Variants in TRIM2 observed in about 807,000 individuals in gnomAD.
TRIM2 encodes tripartite motif containing 2.
A neutral mutation model predicts 75.2 loss-of-function variants in TRIM2; 20 were observed. That is an observed-to-expected ratio of 0.27 (90% CI 0.19 to 0.39). The LOEUF (loss-of-function observed/expected upper bound fraction) is 0.39. TRIM2 is among the 10% of genes least tolerant of loss of function. The probability of loss-of-function intolerance (pLI) is 1.00; values close to 1 mark genes in which losing one functional copy is unlikely to be tolerated. For missense variants in TRIM2, 660 were observed against 990.8 expected (o/e 0.67, Z 4.48); for synonymous variants, 373 against 388.3 (o/e 0.96, Z 0.46).
Position 153,316,873 on chromosome 4 carries a change from CTTTTTTTTTTTTT to C in TRIM2, c.1782+887_1782+899del, listed in dbSNP as rs11397245. On this transcript the variant is annotated intron_variant, in intron 8 of 11. Transcript: ENST00000338700. ...TTTGTAAGGGCCATTTGCATTATGC[CTTTTTTTTTTTTT>C]TTTTTTTTTTTTGAGACGGAGTCTT... is the stretch of plus-strand genomic sequence containing the variant. Among the ~76,000 whole-genome samples the C allele has an allele frequency of 3.1e-4, 19 of 61,576 alleles. 1 individual carries two copies. The highest frequency in any genetic ancestry group is 8.6e-4 in the South Asian group (1 of 1,168). 40.4% of individuals were successfully genotyped at this position (61,576 alleles called of 152,430 possible). A position where few individuals can be genotyped will look rare whatever the true frequency, so the allele number is the denominator to read the frequency against.
intron 1 of TRIM2, among the ~76,000 whole-genome samples, chr4:153,250,595 T>C (rs554650562): frequency 6.6e-6 from 1 of 152,278 alleles, no homozygotes; most frequent in African/African-American, 2.4e-5. Context: ...GGGCATGAAT[T>C]TATGTCCAAT....
intron 1 of TRIM2, among the ~76,000 whole-genome samples, chr4:153,189,228 T>C (rs1217949835): frequency 1.3e-5 from 2 of 152,102 alleles, no homozygotes; most frequent in Non-Finnish European, 2.9e-5. Flanking sequence ...GAGAGACCAA[T>C]GATTGAGAGA....
In TRIM2 at chr4:153,336,894, T is replaced by A. The variant is rs963779167; in HGVS notation, c.*1928T>A. 55 of 985,042 alleles carry A rather than the reference T, an allele frequency of 5.6e-5. No homozygotes were observed. The highest frequency in any genetic ancestry group is 6.5e-5 in the Non-Finnish European group (54 of 829,426). The allele number at this position is 985,042 out of a possible 1,614,324, so 61.0% of individuals were successfully genotyped here. A position where few individuals can be genotyped will look rare whatever the true frequency, so the allele number is the denominator to read the frequency against. Reference sequence around the variant, plus strand: ...GCCTGTCCGTGATAAAGCTATAAAATTCAATAACTTTTTAGAATGTTAAAT... The same window carrying A: ...GCCTGTCCGTGATAAAGCTATAAAAATCAATAACTTTTTAGAATGTTAAAT... On this transcript the variant is annotated 3_prime_UTR_variant, in exon 12 of 12. Coordinates refer to ENST00000338700, the MANE Select transcript of TRIM2 (RefSeq NM_015271.5).
At chr4:153,184,174 C>T (rs1202126248) in intron 1 of TRIM2, among the ~76,000 whole-genome samples, 1 of 152,114 alleles carries the variant, frequency 6.6e-6, no homozygotes, top group African/African-American at 2.4e-5. Context: ...AGCAAAATAC[C>T]ATGGACTGGG....
chr4:153,316,999 G>A (rs1767782944), intron 8 of TRIM2, among the ~76,000 whole-genome samples: 1 of 142,222 alleles, frequency 7.0e-6, no homozygotes, highest in Non-Finnish European at 1.5e-5. Context: ...TCCTGCCTCA[G>A]CCTCCTGAGT....
In TRIM2 at chr4:153,191,028, G is replaced by T. The variant is rs540363559; in HGVS notation, c.-49+37758G>T. Among the ~76,000 whole-genome samples, 27 of 152,204 alleles carry T rather than the reference G, an allele frequency of 1.8e-4. No individual in the cohort carries two copies. The South Asian group carries it at 5.6e-3, about 32-fold the overall frequency. On this transcript the variant is annotated intron_variant, in intron 1 of 11. Coordinates refer to the TRIM2 transcript ENST00000437508. ...TGGGATTACAGGCGTGAGCCACCGC[G>T]CCCAGCCTGGAATGCTATTCTTTTT...
At chr4:153,334,266 T>G (rs1016571645) in intron 11 of TRIM2, among the ~76,000 whole-genome samples, 1 of 151,972 alleles carries the variant, frequency 6.6e-6, no homozygotes, top group Admixed American at 6.6e-5. Flanking sequence ...TGGAAATAGA[T>G]GGGGAGAGGA....
chr4:153,179,508 T>C (rs1731828156), intron 1 of TRIM2, among the ~76,000 whole-genome samples: 1 of 152,126 alleles, frequency 6.6e-6, no homozygotes, highest in South Asian at 2.1e-4. Context: ...CTCCTGCAAG[T>C]AGGAGCCTCC....
chr4:153,188,449 G>T (rs1016112378), intron 1 of TRIM2, among the ~76,000 whole-genome samples: 2 of 152,110 alleles, frequency 1.3e-5, no homozygotes, highest in Admixed American at 6.6e-5. Flanking sequence ...AACAAAGTGA[G>T]ACTCTGTCTC....
intron 1 of TRIM2, among the ~76,000 whole-genome samples, chr4:153,256,921 G>T (rs2149958814): frequency 6.6e-6 from 1 of 152,198 alleles, no homozygotes; most frequent in South Asian, 2.1e-4. Context: ...TTGTTTGTTT[G>T]TTTGTTTTTT....
rs1051963582 is a variant in TRIM2 at position 153,260,208 on chromosome 4, C to T, written c.31-10127C>T. Among the ~76,000 whole-genome samples, 8 of 152,014 alleles carry T rather than the reference C, an allele frequency of 5.3e-5. No homozygotes were observed. The East Asian group carries it at 5.8e-4, about 11-fold the overall frequency. ...ACCTAGTCCCCTTGCTGACCTCTAC[C>T]TTTTTTTGTGGTCCCAGAATACTTA... On this transcript the variant is annotated intron_variant, in intron 1 of 11. Coordinates refer to ENST00000338700, the MANE Select transcript of TRIM2 (RefSeq NM_015271.5).
Position 153,313,627 on chromosome 4 carries a change from CTTT to C in TRIM2, c.1511-1837_1511-1835del, listed in dbSNP as rs398051309. Among the ~76,000 whole-genome samples, 580 of 98,512 alleles carry C rather than the reference CTTT, an allele frequency of 5.9e-3. 5 individuals carry two copies. The highest frequency in any genetic ancestry group is 0.019 in the African/African-American group (430 of 22,254). 64.6% of individuals were successfully genotyped at this position (98,512 alleles called of 152,430 possible). A position where few individuals can be genotyped will look rare whatever the true frequency, so the allele number is the denominator to read the frequency against. ...GTCGAAAAACAAAATAGCAATGGCT[CTTT>C]TTTTTTTTTTTTTTTTTTTTGAGAC... On this transcript the variant is annotated intron_variant, in intron 6 of 11. Coordinates refer to ENST00000338700, the MANE Select transcript of TRIM2 (RefSeq NM_015271.5).
intron 1 of TRIM2, among the ~76,000 whole-genome samples, chr4:153,269,979 A>G (rs1756240442): frequency 6.6e-6 from 1 of 151,842 alleles, no homozygotes; most frequent in African/African-American, 2.4e-5. Flanking sequence ...CCCAGGCTGG[A>G]GTGCAGTGGC....
intron 1 of TRIM2, among the ~76,000 whole-genome samples, chr4:153,224,212 A>G (rs1017882257): frequency 6.6e-6 from 1 of 152,202 alleles, no homozygotes; most frequent in African/African-American, 2.4e-5. Flanking sequence ...TTAACTAGAG[A>G]TAGAAAGTAC....
rs202046548 is a variant in TRIM2 at position 153,275,956 on chromosome 4, C to T, written c.279C>T (p.Thr93=). ...LTLSCPVCRQ[T]SILPEKGVAA... ...TCTCCTGCCCAGTGTGCCGCCAGAC[C>T]TCCATCCTGCCCGAGAAAGGGGTGG... Residue 93 remains threonine, a synonymous_variant, in exon 3 of 12, where the codon ACC becomes ACT. Coordinates refer to ENST00000338700, the MANE Select transcript of TRIM2 (RefSeq NM_015271.5). 3.7e-6 allele frequency: 6 copies of T among 1,614,222 alleles called. No individual in the cohort carries two copies. The highest frequency in any genetic ancestry group is 1.1e-5 in the South Asian group (1 of 91,080).
upstream of TRIM2, among the ~76,000 whole-genome samples, chr4:153,203,986 G>A (rs915230858): frequency 5.6e-4 from 86 of 152,314 alleles, no homozygotes; most frequent in African/African-American, 1.6e-3. Flanking sequence ...TGATCAGATA[G>A]TATATTCAAT....
intron 3 of TRIM2, among the ~76,000 whole-genome samples, chr4:153,292,267 C>A (rs779952822): frequency 9.2e-5 from 14 of 152,146 alleles, no homozygotes; most frequent in Non-Finnish European, 1.6e-4. Context: ...TTAAGCCAGA[C>A]GCTGCAGATA....
intron 1 of TRIM2, among the ~76,000 whole-genome samples, chr4:153,221,277 T>C (rs1579708912): frequency 6.6e-6 from 1 of 152,290 alleles, no homozygotes; most frequent in Non-Finnish European, 1.5e-5. Flanking sequence ...TTCATTTATA[T>C]GAAATGTCCA....
chr4:153,232,993 C>T (rs770911088), intron 1 of TRIM2, among the ~76,000 whole-genome samples: 1 of 152,146 alleles, frequency 6.6e-6, no homozygotes, highest in Non-Finnish European at 1.5e-5. Context: ...AAGCCAGCTG[C>T]CCCCTCTCTA....
Sources: allele counts gnomAD v4.1 joint callset (sites outside exome capture counted in the v4.1 genomes callset), GRCh38; gene constraint gnomAD v4.1.1; transcripts MANE v1.5; gene names NCBI Gene and HGNC (gene_info 2026-07-23, HGNC 2026-07-21).